The following TRIM63 variants were observed in gnomAD, a reference collection of about 807,000 sequenced individuals.
TRIM63 encodes tripartite motif containing 63.
Under a neutral mutation model 46.0 loss-of-function variants are expected in TRIM63, and 48 were observed. That is an observed-to-expected ratio of 1.04 (90% confidence interval 0.83 to 1.33). TRIM63 has a LOEUF of 1.33. TRIM63 is among the 40% of genes most tolerant of loss of function. The probability of loss-of-function intolerance (pLI) is 0.00; values close to 1 mark genes in which losing one functional copy is unlikely to be tolerated. For missense variants in TRIM63, 455 were observed against 441.2 expected, an observed-to-expected ratio of 1.03 and a Z score of -0.28; for synonymous variants, 175 against 162.8, an observed-to-expected ratio of 1.08 and a Z score of -0.57.
At chr1:26,059,455 T>G in intron 4 of TRIM63, among the ~76,000 whole-genome samples, 1 of 152,216 alleles carries the variant, frequency 6.6e-6, no homozygotes, top group East Asian at 1.9e-4. Flanking sequence ...CGGGAAGCTC[T>G]GCATCATTTG....
At chr1:26,058,312 T>A in intron 5 of TRIM63, 78 bp downstream of exon 5, 2 of 1,286,736 alleles carry the variant, frequency 1.6e-6, no homozygotes, top group Non-Finnish European at 2.2e-6. Context: ...CCATGGGTGG[T>A]CAGTGGGGAA....
At chr1:26,057,166 CAGGCAAATAG>C (rs1174203863) in intron 7 of TRIM63, 27 bp downstream of exon 7, 1 of 1,607,496 alleles carries the variant, frequency 6.2e-7, no homozygotes, top group Non-Finnish European at 8.5e-7. Context: ...AGGGGTCAGG[CAGGCAAATAG>C]ACAAGTGGCA....
rs144384652 is a variant in TRIM63, at chr1:26,057,154, CCAGGGGT to C, written c.979+42_979+48del. On this transcript the variant is annotated intron_variant, in intron 7 of 8. Transcript: ENST00000374272. ...GGCTCAGTTGGAGGGATGCTGGTTT[CCAGGGGT>C]CAGGCAGGCAAATAGACAAGTGGCA... 0.22 allele frequency: 356,832 copies of C among 1,606,778 alleles called. 44,214 individuals carry two copies. The highest frequency in any genetic ancestry group is 0.25 in the Non-Finnish European group (298,768 of 1,174,618).
intron 7 of TRIM63, among the ~76,000 whole-genome samples, chr1:26,055,096 G>T (rs1424134579): frequency 6.6e-6 from 1 of 152,138 alleles, no homozygotes; most frequent in Non-Finnish European, 1.5e-5. Context: ...TTTAATAGCA[G>T]TTGCTGAGTA....
intron 7 of TRIM63, among the ~76,000 whole-genome samples, chr1:26,055,035 A>T (rs755686342): frequency 6.6e-6 from 1 of 152,122 alleles, no homozygotes; most frequent in Non-Finnish European, 1.5e-5. Context: ...AACTGATATC[A>T]GAGTATAACC....
chr1:26,062,537 C>T (rs2050635682), intron 2 of TRIM63, among the ~76,000 whole-genome samples: 1 of 152,176 alleles, frequency 6.6e-6, no homozygotes, highest in South Asian at 2.1e-4. Flanking sequence ...GTGTATGCCC[C>T]ATGTCATGGT....
chr1:26,058,932 C>A (rs759284946), intron 4 of TRIM63, among the ~76,000 whole-genome samples: 31 of 152,110 alleles, frequency 2.0e-4, no homozygotes, highest in East Asian at 7.7e-4. Context: ...CTCCCCCTGT[C>A]CCCCAACCTC....
chr1:26,054,507 C>T (rs2050551576), intron 7 of TRIM63, among the ~76,000 whole-genome samples: 1 of 152,004 alleles, frequency 6.6e-6, no homozygotes. Flanking sequence ...AGCTGAGCAC[C>T]AGAGGGACAG....
chr1:26,054,229 C>A (rs2050549332), intron 7 of TRIM63, among the ~76,000 whole-genome samples: 1 of 51,838 alleles, frequency 1.9e-5, no homozygotes, highest in Non-Finnish European at 6.9e-5. Flanking sequence ...CAGCTTCTAT[C>A]ACCTGCTCGC....
chr1:26,054,261 T>C (rs559949039), intron 7 of TRIM63, among the ~76,000 whole-genome samples: 3 of 152,356 alleles, frequency 2.0e-5, no homozygotes, highest in Non-Finnish European at 4.4e-5. Context: ...GAGGGGACTC[T>C]GAGGAAGCGC....
chr1:26,056,289 A>G (rs1244730350), intron 7 of TRIM63, among the ~76,000 whole-genome samples: 3 of 152,166 alleles, frequency 2.0e-5, no homozygotes, highest in Non-Finnish European at 2.9e-5. Flanking sequence ...CATTGTTACA[A>G]TTATTATAGG....
intron 7 of TRIM63, among the ~76,000 whole-genome samples, chr1:26,055,511 CTTT>C (rs776902898): frequency 3.6e-5 from 5 of 137,878 alleles, no homozygotes; most frequent in Non-Finnish European, 3.2e-5. Context: ...CTATTTCTTT[CTTT>C]TTTTTTTTTT....
rs1057518483 is a variant in TRIM63 at position 26,066,394 on chromosome 1, G to A, written c.206C>T (p.Ser69Phe). 2.5e-6 allele frequency: 4 copies of A among 1,611,928 alleles called. No homozygotes were observed. Among genetic ancestry groups the A allele is most frequent in the Non-Finnish European group, 3.4e-6 (4 of 1,178,876 alleles). ...GGTGGGGCAGCGGAAACGGCCTCCA[G>A]ACATGGACACTGAGCTGCCCCGGCT... Reference protein sequence around the residue: ...WTSRGSSVSMSGGRFRCPTCR... With the variant: ...WTSRGSSVSMFGGRFRCPTCR... Residue 69 changes from serine to phenylalanine, a missense_variant, in exon 2 of 9, where the codon TCT becomes TTT. Physicochemically the swap from Ser to Phe is radical, Grantham distance 155. Transcript: ENST00000374272.
intron 7 of TRIM63, among the ~76,000 whole-genome samples, chr1:26,055,314 G>A (rs891647548): frequency 6.6e-6 from 1 of 152,158 alleles, no homozygotes; most frequent in Admixed American, 6.6e-5. Flanking sequence ...ATCCCATGAA[G>A]TTGTGTTAAA....
At chr1:26,064,882 A>C (rs2050662630) in intron 2 of TRIM63, among the ~76,000 whole-genome samples, 1 of 152,298 alleles carries the variant, frequency 6.6e-6, no homozygotes, top group African/African-American at 2.4e-5. Flanking sequence ...CACTGCCTGC[A>C]GGCAGATGCC....
At chr1:26,053,778 A>T in intron 8 of TRIM63, 115 bp downstream of exon 8, 1 of 781,914 alleles carries the variant, frequency 1.3e-6, no homozygotes, top group Non-Finnish European at 2.1e-6. Flanking sequence ...CGTGCTGGGG[A>T]CAGTTCTGAG....
intron 4 of TRIM63, among the ~76,000 whole-genome samples, chr1:26,058,939 C>T (rs2050598050): frequency 6.6e-6 from 1 of 152,062 alleles, no homozygotes; most frequent in Non-Finnish European, 1.5e-5. Flanking sequence ...TGTCCCCCAA[C>T]CTCAGCTGGT....
intron 4 of TRIM63, among the ~76,000 whole-genome samples, chr1:26,059,179 C>T (rs939173733): frequency 2.0e-5 from 3 of 152,034 alleles, no homozygotes; most frequent in African/African-American, 4.8e-5. Flanking sequence ...TACGCTACCA[C>T]GCCTGGCTAT....
intron 2 of TRIM63, among the ~76,000 whole-genome samples, chr1:26,063,032 C>T (rs2050641588): frequency 6.6e-6 from 1 of 151,692 alleles, no homozygotes; most frequent in Non-Finnish European, 1.5e-5. Flanking sequence ...GCTGGGATTA[C>T]AGGCGTGATC....
Sources: allele counts gnomAD v4.1 joint callset (sites outside exome capture counted in the v4.1 genomes callset), GRCh38; gene constraint gnomAD v4.1.1; transcripts MANE v1.5; gene names NCBI Gene and HGNC (gene_info 2026-07-23, HGNC 2026-07-21).